Variants in NTM observed in about 807,000 individuals in gnomAD.
NTM encodes IgLON family member 2.
NTM carries 13 observed loss-of-function variants against 42.1 expected under a neutral mutation model. That is an observed-to-expected ratio of 0.31 (90% confidence interval 0.20 to 0.49). NTM has a LOEUF of 0.49. NTM is among the 20% of genes least tolerant of loss of function. NTM has a pLI of 0.99. For synonymous variants in NTM, 187 were observed against 179.2 expected (o/e 1.04, Z -0.35); for missense variants, 373 against 452.8 (o/e 0.82, Z 1.60).
At chr11:132,039,586 C>T (rs2076933537) in intron 2 of NTM, among the ~76,000 whole-genome samples, 1 of 151,986 alleles carries the variant, frequency 6.6e-6, no homozygotes, top group Admixed American at 6.6e-5. Flanking sequence ...ACCTGAGGGC[C>T]AGGAAGAGGA....
At chr11:131,771,070 C>G (rs187334975) in intron 1 of NTM, 1 of 152,160 alleles carries the variant, frequency 6.6e-6, no homozygotes, top group African/African-American at 2.4e-5. Flanking sequence ...AGATCCACCT[C>G]TCAGAATGAG....
intron 2 of NTM, among the ~76,000 whole-genome samples, chr11:132,053,538 C>G (rs1443541071): frequency 2.0e-5 from 3 of 152,104 alleles, no homozygotes; most frequent in East Asian, 3.9e-4. Flanking sequence ...CTATACCAAG[C>G]TGTTAGGTGT....
At position 131,911,736 on chromosome 11, in the gene NTM, C is replaced by T. The variant is rs2055067460; in HGVS notation, c.167+88C>T. 3 of 1,534,894 alleles carry T rather than the reference C, an allele frequency of 2.0e-6. No homozygotes were observed. The African/African-American group carries it at 4.1e-5, about 21-fold the overall frequency. On this transcript the variant is annotated intron_variant, in intron 2 of 8. Transcript: ENST00000683400. ...GTGCAGGTGTGTGCACTGAGGCGTG[C>T]CTGGGTTGGCGGAGAGGTCGCTGGT...
intron 2 of NTM, among the ~76,000 whole-genome samples, chr11:132,052,087 A>T (rs1380085282): frequency 6.6e-6 from 1 of 152,216 alleles, no homozygotes; most frequent in Non-Finnish European, 1.5e-5. Context: ...TTTTATATAG[A>T]AGCTAATTAT....
chr11:131,379,511 G>C (rs1942390056), intron 1 of NTM, among the ~76,000 whole-genome samples: 1 of 152,062 alleles, frequency 6.6e-6, no homozygotes, highest in Admixed American at 6.6e-5. Context: ...TGAGGTCTGT[G>C]GCAATTGAAT....
At chr11:132,333,369 G>A (rs1049132824) in intron 8 of NTM, among the ~76,000 whole-genome samples, 3 of 152,104 alleles carry the variant, frequency 2.0e-5, no homozygotes, top group East Asian at 1.9e-4. Flanking sequence ...GAAGGCATCC[G>A]GCGGAGGCTT....
chr11:131,459,539 TAGAA>T (rs1326549754), intron 1 of NTM, among the ~76,000 whole-genome samples: 1 of 152,216 alleles, frequency 6.6e-6, no homozygotes, highest in Non-Finnish European at 1.5e-5. Context: ...TATGAGTGCT[TAGAA>T]AGGAAAACCG....
intron 3 of NTM, among the ~76,000 whole-genome samples, chr11:132,161,621 C>T (rs1177261735): frequency 1.3e-5 from 2 of 151,948 alleles, no homozygotes; most frequent in South Asian, 2.1e-4. Flanking sequence ...CAGTCTTCCT[C>T]CCCCCAACTT....
chr11:131,584,045 C>T (rs2058642967), intron 1 of NTM, among the ~76,000 whole-genome samples: 1 of 152,146 alleles, frequency 6.6e-6, no homozygotes, highest in African/African-American at 2.4e-5. Flanking sequence ...GAATGCTGAA[C>T]AGTAGAAAAA....
chr11:131,831,557 C>G (rs1361819536), intron 1 of NTM, among the ~76,000 whole-genome samples: 1 of 152,170 alleles, frequency 6.6e-6, no homozygotes, highest in African/African-American at 2.4e-5. Context: ...TCCAGAAAGT[C>G]AGGGCTCCAA....
intron 1 of NTM, among the ~76,000 whole-genome samples, chr11:131,579,826 A>G (rs1034903902): frequency 2.0e-5 from 3 of 152,196 alleles, no homozygotes; most frequent in African/African-American, 7.2e-5. Flanking sequence ...GTTAGATGGA[A>G]ATGTTGAAAA....
chr11:131,582,999 G>A (rs905001360), intron 1 of NTM, among the ~76,000 whole-genome samples: 4 of 152,208 alleles, frequency 2.6e-5, no homozygotes, highest in East Asian at 1.9e-4. Context: ...CGATGGCTCC[G>A]AATGCTGCTT....
At chr11:131,410,294 A>C (rs1946238139) in intron 1 of NTM, among the ~76,000 whole-genome samples, 1 of 152,064 alleles carries the variant, frequency 6.6e-6, no homozygotes, top group Non-Finnish European at 1.5e-5. Context: ...GCAATACAGC[A>C]AGACACCATC....
chr11:131,789,931 G>A (rs1337321113), intron 1 of NTM, among the ~76,000 whole-genome samples: 1 of 143,046 alleles, frequency 7.0e-6, no homozygotes, highest in Non-Finnish European at 1.5e-5. Flanking sequence ...ACTCCAGCCT[G>A]GGCGACAGAG....
chr11:131,902,479 G>A (rs1403249020), intron 1 of NTM, among the ~76,000 whole-genome samples: 2 of 152,196 alleles, frequency 1.3e-5, no homozygotes, highest in African/African-American at 2.4e-5. Flanking sequence ...GAACCTTAGA[G>A]TGAACGATTT....
At chr11:131,665,496 C>T (rs540874251) in intron 1 of NTM, among the ~76,000 whole-genome samples, 8 of 152,194 alleles carry the variant, frequency 5.3e-5, no homozygotes, top group East Asian at 3.9e-4. Flanking sequence ...TGGCTAGGAC[C>T]GAATCCAATA....
intron 1 of NTM, among the ~76,000 whole-genome samples, chr11:131,452,746 G>C (rs1950574812): frequency 6.6e-6 from 1 of 152,166 alleles, no homozygotes; most frequent in Non-Finnish European, 1.5e-5. Context: ...ATTCCTGAGA[G>C]CTCCTGCACC....
At chr11:131,502,484 A>G (rs1159639989) in intron 1 of NTM, among the ~76,000 whole-genome samples, 1 of 152,130 alleles carries the variant, frequency 6.6e-6, no homozygotes, top group Non-Finnish European at 1.5e-5. Context: ...AGAGACCAGA[A>G]AATGAGGCTG....
chr11:131,719,934 C>T (rs1212281174), intron 1 of NTM, among the ~76,000 whole-genome samples: 1 of 152,148 alleles, frequency 6.6e-6, no homozygotes, highest in African/African-American at 2.4e-5. Context: ...TGCAAGGTGT[C>T]ATTCTCACAC....
Sources: allele counts gnomAD v4.1 joint callset (sites outside exome capture counted in the v4.1 genomes callset), GRCh38; gene constraint gnomAD v4.1.1; transcripts MANE v1.5; gene names NCBI Gene and HGNC (gene_info 2026-07-23, HGNC 2026-07-21).